SORCS1: variants seen among roughly 807,000 people sequenced by gnomAD.
SORCS1 encodes sortilin related VPS10 domain containing receptor 1.
SORCS1 carries 60 observed loss-of-function variants against 146.1 expected under a neutral mutation model. That is an observed-to-expected ratio of 0.41 (90% CI 0.33 to 0.51). The LOEUF (loss-of-function observed/expected upper bound fraction) is 0.51. Among genes scored for constraint, SORCS1 ranks in the 20% least tolerant of loss-of-function variants. SORCS1 has a pLI of 0.21. For synonymous variants in SORCS1, 637 were observed against 584.0 expected, an observed-to-expected ratio of 1.09 and a Z score of -1.31; for missense variants, 1,352 against 1,487.6, an observed-to-expected ratio of 0.91 and a Z score of 1.50.
intron 2 of SORCS1, among the ~76,000 whole-genome samples, chr10:106,916,592 A>ACT (rs1952443126): frequency 1.3e-5 from 2 of 148,836 alleles, no homozygotes; most frequent in African/African-American, 4.9e-5. Flanking sequence ...ACACACACAC[A>ACT]CACACACACA....
chr10:107,010,069 T>A (rs540620859), intron 1 of SORCS1, among the ~76,000 whole-genome samples: 1 of 152,324 alleles, frequency 6.6e-6, no homozygotes, highest in Admixed American at 6.5e-5. Flanking sequence ...AAAAAGAATC[T>A]AATCACTGCA....
At chr10:106,707,356 G>A (rs1394328363) in intron 7 of SORCS1, among the ~76,000 whole-genome samples, 1 of 151,792 alleles carries the variant, frequency 6.6e-6, no homozygotes, top group Non-Finnish European at 1.5e-5. Context: ...ACCTGGCTAT[G>A]TTTTGTATTC....
intron 3 of SORCS1, among the ~76,000 whole-genome samples, chr10:106,779,485 T>A (rs1174681882): frequency 1.3e-5 from 2 of 152,054 alleles, no homozygotes; most frequent in South Asian, 4.1e-4. Flanking sequence ...CATCTCTATA[T>A]CCTATTGTGG....
At chr10:106,734,414 A>G (rs1340615857) in intron 5 of SORCS1, among the ~76,000 whole-genome samples, 3 of 152,186 alleles carry the variant, frequency 2.0e-5, no homozygotes, top group African/African-American at 4.8e-5. Context: ...TTTCAGAATG[A>G]TGAACATACT....
chr10:106,742,204 G>A (rs190281075), intron 5 of SORCS1, among the ~76,000 whole-genome samples: 50 of 152,284 alleles, frequency 3.3e-4, no homozygotes, highest in African/African-American at 1.2e-3. Context: ...AGCAGAGGTT[G>A]AGTATCCCTT....
intron 1 of SORCS1, among the ~76,000 whole-genome samples, chr10:107,073,469 C>G (rs1010619198): frequency 2.6e-5 from 4 of 152,092 alleles, no homozygotes; most frequent in African/African-American, 9.7e-5. Context: ...TGAGTTTACC[C>G]TCAATTAGAC....
intron 2 of SORCS1, among the ~76,000 whole-genome samples, chr10:106,921,829 A>G (rs1952727041): frequency 6.6e-6 from 1 of 152,174 alleles, no homozygotes; most frequent in African/African-American, 2.4e-5. Context: ...TACAAATTCA[A>G]TCTGAACAAT....
rs917912379 is a variant in SORCS1 at position 106,574,965 on chromosome 10, C to A, written c.*2455G>T. The A allele has an allele frequency of 1.3e-5, 2 of 152,594 alleles. No homozygotes were observed. The highest frequency in any genetic ancestry group is 3.9e-4 in the East Asian group (2 of 5,188). The allele number at this position is 152,594 out of a possible 1,614,324, so 9.5% of individuals were successfully genotyped here. A position where few individuals can be genotyped will look rare whatever the true frequency, so the allele number is the denominator to read the frequency against. On this transcript the variant is annotated 3_prime_UTR_variant, in exon 26 of 26. Coordinates refer to ENST00000263054, the MANE Select transcript of SORCS1 (RefSeq NM_052918.5). ...CCTATGTCTTTCCATTCATTTATTTCTTCAACAAATAGTTTTCATACTACT... is the reference window on the plus strand; with the variant it reads ...CCTATGTCTTTCCATTCATTTATTTATTCAACAAATAGTTTTCATACTACT...
chr10:106,581,242 A>G (rs1844887175), intron 24 of SORCS1, among the ~76,000 whole-genome samples: 1 of 151,810 alleles, frequency 6.6e-6, no homozygotes, highest in Non-Finnish European at 1.5e-5. Flanking sequence ...TGAAGTTCTC[A>G]TTGGTTAGTG....
At chr10:107,048,215 G>A (rs1959703645) in intron 1 of SORCS1, among the ~76,000 whole-genome samples, 1 of 152,118 alleles carries the variant, frequency 6.6e-6, no homozygotes, top group African/African-American at 2.4e-5. Context: ...GTTATGATTA[G>A]GTATTTTCTG....
At chr10:106,617,837 G>A (rs1479075978) in intron 21 of SORCS1, among the ~76,000 whole-genome samples, 1 of 152,126 alleles carries the variant, frequency 6.6e-6, no homozygotes, top group Non-Finnish European at 1.5e-5. Context: ...TTTGTAACTG[G>A]TATTCAAATA....
chr10:106,740,268 G>C (rs576749871), intron 5 of SORCS1, among the ~76,000 whole-genome samples: 3 of 152,246 alleles, frequency 2.0e-5, no homozygotes, highest in African/African-American at 7.2e-5. Context: ...TACCCCCCTA[G>C]GGTGTGGGTG....
At chr10:106,676,580 A>G (rs912812003) in intron 13 of SORCS1, among the ~76,000 whole-genome samples, 1 of 152,092 alleles carries the variant, frequency 6.6e-6, no homozygotes, top group African/African-American at 2.4e-5. Context: ...TGAAAGTATT[A>G]TCACATTTGC....
chr10:106,609,574 C>T (rs1355185623), intron 22 of SORCS1, among the ~76,000 whole-genome samples: 1 of 152,188 alleles, frequency 6.6e-6, no homozygotes, highest in Non-Finnish European at 1.5e-5. Flanking sequence ...GAACCAAGCT[C>T]TGCATCAACT....
intron 1 of SORCS1, among the ~76,000 whole-genome samples, chr10:106,987,955 T>C (rs576816787): frequency 1.3e-5 from 2 of 152,330 alleles, no homozygotes; most frequent in African/African-American, 4.8e-5. Context: ...GGGCCAACTT[T>C]AACAAAAATT....
intron 1 of SORCS1, among the ~76,000 whole-genome samples, chr10:107,062,557 T>G (rs1158576691): frequency 6.6e-6 from 1 of 152,124 alleles, no homozygotes; most frequent in South Asian, 2.1e-4. Flanking sequence ...CCATCTACCA[T>G]AGCTAACGAT....
At chr10:106,798,095 A>C (rs1324791691) in intron 3 of SORCS1, among the ~76,000 whole-genome samples, 1 of 152,072 alleles carries the variant, frequency 6.6e-6, no homozygotes, top group Non-Finnish European at 1.5e-5. Context: ...GATCTTCTCC[A>C]TGCTGTTCTT....
At chr10:106,956,321 T>TA (rs1382277831) in intron 2 of SORCS1, among the ~76,000 whole-genome samples, 192 bp downstream of exon 2, 3 of 152,062 alleles carry the variant, frequency 2.0e-5, no homozygotes, top group Non-Finnish European at 4.4e-5. Context: ...AATTGGTCTA[T>TA]AAAGAAAGTA....
intron 1 of SORCS1, among the ~76,000 whole-genome samples, chr10:107,072,217 T>G (rs923078657): frequency 1.3e-5 from 2 of 152,174 alleles, no homozygotes; most frequent in Admixed American, 1.3e-4. Flanking sequence ...ACCCTCTGCT[T>G]GCAGAGCTTA....
Sources: gnomAD v4.1 joint callset for allele counts (sites outside exome capture counted in the v4.1 genomes callset) on GRCh38, gnomAD v4.1.1 for gene constraint, MANE v1.5 for transcripts, NCBI Gene and HGNC (gene_info 2026-07-23, HGNC 2026-07-21) for gene names.